FCAMR: variants seen among roughly 807,000 people sequenced by gnomAD.
FCAMR encodes the protein Fc alpha and mu receptor, also known as high affinity immunoglobulin alpha and immunoglobulin mu Fc receptor.
Under a neutral mutation model 52.2 loss-of-function variants are expected in FCAMR, and 51 were observed. The observed-to-expected ratio is 0.98, with a 90% CI of 0.78 to 1.23. The LOEUF (loss-of-function observed/expected upper bound fraction) is 1.23. Among genes scored for constraint, FCAMR ranks in the 50% most tolerant of loss-of-function variants. FCAMR has a pLI of 0.00. For missense variants in FCAMR, 719 were observed against 712.6 expected, an observed-to-expected ratio of 1.01 and a Z score of -0.10; for synonymous variants, 282 against 262.0, an observed-to-expected ratio of 1.08 and a Z score of -0.74.
chr1:206,967,870 G>C (rs556950438), intron 1 of FCAMR, among the ~76,000 whole-genome samples: 21 of 152,274 alleles, frequency 1.4e-4, no homozygotes, highest in African/African-American at 4.6e-4. Context: ...CACTGGCCTG[G>C]GGAGCTTCCA....
At position 206,958,621 on chromosome 1, in the gene FCAMR, G is replaced by T; in HGVS notation, c.1629C>A (p.Asn543Lys). 7 of 1,614,004 alleles carry T rather than the reference G, an allele frequency of 4.3e-6. No homozygotes were observed. The highest frequency in any genetic ancestry group is 5.9e-6 in the Non-Finnish European group (7 of 1,180,022). ...LIQMTHFLEV[N>K]PQADQLPHVE... ...CATGGGGCAGCTGGTCTGCTTGGGG[G>T]TTCACTTCCAGAAAATGTGTCATCT... Residue 543 changes from asparagine (N) to lysine (K), a missense_variant, in exon 8 of 8, where the codon AAC becomes AAA. Asn to Lys is a moderately conservative substitution (Grantham distance 94, BLOSUM62 0). Coordinates refer to ENST00000324852, the MANE Select transcript of FCAMR (RefSeq NM_001170631.2).
Position 206,960,631 on chromosome 1 carries a change from C to T in FCAMR, c.1245G>A (p.Met415Ile), listed in dbSNP as rs753897992. Residue 415 changes from methionine to isoleucine, a missense_variant, in exon 6 of 8, where the codon ATG becomes ATA. Physicochemically the swap from Met to Ile is conservative, Grantham distance 10. Coordinates refer to ENST00000324852, the MANE Select transcript of FCAMR (RefSeq NM_001170631.2). The stretch of plus-strand genomic sequence containing the variant: ...CTGCAGCTGGAGTTCCCAAGGTCCA[C>T]ATGCCTGCAGCTGGAGTTGTTTCTC... ...SIGETTPAAG[M>I]WTLGTPAADV... 47 of 1,551,796 alleles carry T rather than the reference C, an allele frequency of 3.0e-5. No individual in the cohort carries two copies. The highest frequency in any genetic ancestry group is 3.9e-5 in the Non-Finnish European group (45 of 1,147,038).
chr1:206,966,687 T>C (rs986723635), intron 3 of FCAMR, among the ~76,000 whole-genome samples: 1 of 152,206 alleles, frequency 6.6e-6, no homozygotes, highest in African/African-American at 2.4e-5. Flanking sequence ...TCCGACCTTA[T>C]TGGCTACCTT....
chr1:206,962,503 C>T lies in FCAMR; in HGVS notation c.362G>A (p.Gly121Glu), dbSNP rs1284086498. Residue 121 changes from glycine to glutamate, a missense_variant, in exon 5 of 8, where the codon GGA becomes GAA. Coordinates refer to ENST00000324852, the MANE Select transcript of FCAMR (RefSeq NM_001170631.2). ...GSRLVSGEPG[G>E]AVTIQCHYAP... ...ATAATGGCACTGGATGGTGACAGCT[C>T]CTCCAGGCTCCCCTGACACCAGCCT... 3 of 1,602,100 alleles carry T rather than the reference C, an allele frequency of 1.9e-6. No homozygotes were observed. The highest frequency in any genetic ancestry group is 2.7e-5 in the African/African-American group (2 of 74,824).
chr1:206,965,370 AC>A (rs1680664359), intron 4 of FCAMR, among the ~76,000 whole-genome samples: 1 of 152,204 alleles, frequency 6.6e-6, no homozygotes, highest in Non-Finnish European at 1.5e-5. Context: ...AAGAACCAAT[AC>A]CTTAAGGATT....
intron 7 of FCAMR, 135 bp from the exon 8 acceptor site, chr1:206,958,811 A>G: frequency 8.6e-7 from 1 of 1,166,980 alleles, no homozygotes; most frequent in Non-Finnish European, 1.3e-6. Context: ...CTAGTTGGCT[A>G]GGCTAAGCCA....
chr1:206,960,362 G>T, intron 6 of FCAMR, 60 bp downstream of exon 6: 3 of 1,434,528 alleles, frequency 2.1e-6, no homozygotes, highest in Non-Finnish European at 2.8e-6. Flanking sequence ...GGCCTCCCTT[G>T]CATGCCAGGG....
intron 7 of FCAMR, 54 bp downstream of exon 7, chr1:206,959,625 G>A: frequency 7.1e-7 from 1 of 1,409,362 alleles, no homozygotes; most frequent in East Asian, 2.3e-5. Flanking sequence ...AGCCCTGAGG[G>A]TGTCAGGTGG....
chr1:206,967,939 C>A (rs934286313), intron 1 of FCAMR, among the ~76,000 whole-genome samples: 1 of 152,202 alleles, frequency 6.6e-6, no homozygotes, highest in Non-Finnish European at 1.5e-5. Context: ...GGATCTAGCA[C>A]GTTGTAGATG....
In FCAMR at chr1:206,961,221, G is replaced by A; in HGVS notation, c.655C>T (p.Pro219Ser). The part of the protein sequence containing the change: ...LSMNLTISAG[P>S]ASTLPTATPA... ...GTGGCTGTGGGGAGGGTGCTGGCGG[G>A]ACCTGTGTGGACAGCAGAGGGAGGC... The change falls in exon 6 of 8, where the codon CCC becomes TCC. Residue 219 changes from proline (P) to serine (S), a missense_variant and splice_region_variant. Coordinates refer to ENST00000324852, the MANE Select transcript of FCAMR (RefSeq NM_001170631.2). 5 of 1,536,836 alleles carry A rather than the reference G, an allele frequency of 3.3e-6. No individual in the cohort carries two copies. Among genetic ancestry groups the A allele is most frequent in the Non-Finnish European group, 3.5e-6 (4 of 1,140,418 alleles).
In FCAMR at chr1:206,962,268, G is replaced by A. The variant is rs1429609189; in HGVS notation, c.597C>T (p.Gly199=). 1.7e-5 allele frequency: 27 copies of A among 1,614,054 alleles called. No homozygotes were observed. The highest frequency in any genetic ancestry group is 2.3e-5 in the Non-Finnish European group (27 of 1,180,038). The change falls in exon 5 of 8, where the codon GGC becomes GGT. Residue 199 remains glycine (G), a synonymous_variant. Transcript: ENST00000324852. The part of the protein sequence containing the change: ...SPDDIGCYLC[G]IGSENNMLFL... ...ACAGCATGTTGTTTTCACTTCCAAT[G>A]CCGCAGAGGTAGCATCCGATGTCAT... is the stretch of plus-strand genomic sequence containing the variant.
chr1:206,965,772 T>C lies in FCAMR; in HGVS notation c.256A>G (p.Met86Val), dbSNP rs531822318. 1.3e-6 allele frequency: 2 copies of C among 1,579,362 alleles called. No individual in the cohort carries two copies. Among genetic ancestry groups the C allele is most frequent in the East Asian group, 2.3e-5 (1 of 42,656 alleles). ...GGCGAGGAAGGCCTGAGTGTTCCCA[T>C]GGCCCGGAGATGGGTCCTGGAGGGG... ...SLPSRTHLRA[M>V]GTLRPSSPLC... The change falls in exon 4 of 8, where the codon ATG (methionine) becomes GTG (valine). Residue 86 changes from methionine (M) to valine (V), a missense_variant. Coordinates refer to ENST00000324852, the MANE Select transcript of FCAMR (RefSeq NM_001170631.2).
chr1:206,959,924 G>C (rs1680433439), intron 6 of FCAMR, 127 bp from the exon 7 acceptor site: 2 of 729,948 alleles, frequency 2.7e-6, no homozygotes, highest in Non-Finnish European at 2.4e-6. Context: ...GGCAGCCCTG[G>C]TTCCCATGGC....
intron 2 of FCAMR, 135 bp downstream of exon 2, chr1:206,967,448 C>T (rs1680756837): frequency 5.4e-6 from 5 of 918,540 alleles, no homozygotes; most frequent in Admixed American, 2.0e-5. Flanking sequence ...TGGGGAGCAC[C>T]GTGTAGTGGA....
At chr1:206,958,868 C>A (rs1283200534) in intron 7 of FCAMR, 192 bp from the exon 8 acceptor site, 1 of 705,388 alleles carries the variant, frequency 1.4e-6, no homozygotes, top group African/African-American at 1.8e-5. Flanking sequence ...GGTCTGAGAA[C>A]CTTAGCCTCC....
intron 4 of FCAMR, among the ~76,000 whole-genome samples, chr1:206,963,866 G>T (rs1680604654): frequency 6.6e-6 from 1 of 152,168 alleles, no homozygotes; most frequent in South Asian, 2.1e-4. Flanking sequence ...TATGAGAATT[G>T]CAGGTTCTTC....
intron 2 of FCAMR, 54 bp from the exon 3 acceptor site, chr1:206,967,166 G>C: frequency 6.3e-7 from 1 of 1,578,398 alleles, no homozygotes; most frequent in Non-Finnish European, 8.7e-7. Flanking sequence ...GGTGAGGGTG[G>C]TGGGACTTGA....
intron 1 of FCAMR, chr1:206,969,313 G>A (rs1680843323): frequency 4.4e-6 from 2 of 456,328 alleles, no homozygotes; most frequent in Non-Finnish European, 8.8e-6. Flanking sequence ...GGAAGCAGGA[G>A]TATGAGATAA....
chr1:206,965,786 G>T lies in FCAMR; in HGVS notation c.242C>A (p.Thr81Asn). ...GAGTGTTCCCATGGCCCGGAGATGG[G>T]TCCTGGAGGGGAGAGAGCCCTCCCA... ...WLWEGSLPSR[T>N]HLRAMGTLRP... The change falls in exon 4 of 8, where the codon ACC (threonine) becomes AAC (asparagine). Residue 81 changes from threonine (T) to asparagine (N), a missense_variant. Coordinates refer to ENST00000324852, the MANE Select transcript of FCAMR (RefSeq NM_001170631.2). 6.3e-7 allele frequency: 1 copy of T among 1,595,034 alleles called. No individual in the cohort carries two copies. Among genetic ancestry groups the T allele is most frequent in the Non-Finnish European group, 8.5e-7 (1 of 1,172,784 alleles).
Sources: allele counts gnomAD v4.1 joint callset (sites outside exome capture counted in the v4.1 genomes callset), GRCh38; gene constraint gnomAD v4.1.1; transcripts MANE v1.5; gene names NCBI Gene and HGNC (gene_info 2026-07-23, HGNC 2026-07-21).